Variants in CADM2 observed in about 807,000 individuals in gnomAD.
The protein encoded by CADM2 is cell adhesion molecule 2.
A neutral mutation model predicts 49.8 loss-of-function variants in CADM2; 12 were observed. That is an observed-to-expected ratio of 0.24 (90% CI 0.15 to 0.39). The LOEUF is 0.39. Ranked by LOEUF, CADM2 falls within the 10% of genes least tolerant of loss-of-function variation. The probability of loss-of-function intolerance (pLI) is 1.00; values close to 1 mark genes in which losing one functional copy is unlikely to be tolerated. For synonymous variants in CADM2, 214 were observed against 175.4 expected (o/e 1.22, Z -1.74); for missense variants, 378 against 492.3 (o/e 0.77, Z 2.20).
intron 2 of CADM2, among the ~76,000 whole-genome samples, chr3:85,788,669 T>A (rs527396363): frequency 3.2e-4 from 48 of 151,822 alleles, no homozygotes; most frequent in Admixed American, 8.5e-4. Flanking sequence ...TTGATTTGAG[T>A]TTGAATAATT....
At chr3:85,092,727 A>AGGG (rs1191949174) in intron 1 of CADM2, among the ~76,000 whole-genome samples, 1 of 151,982 alleles carries the variant, frequency 6.6e-6, no homozygotes, top group African/African-American at 2.4e-5. Flanking sequence ...CCTTAATTCC[A>AGGG]GATCTTTTCT....
intron 1 of CADM2, among the ~76,000 whole-genome samples, chr3:85,051,780 G>A (rs1041532756): frequency 6.6e-6 from 1 of 151,990 alleles, no homozygotes; most frequent in African/African-American, 2.4e-5. Context: ...TTAAATTTTT[G>A]TTTTAATTTG....
intron 1 of CADM2, among the ~76,000 whole-genome samples, chr3:85,123,015 C>G (rs1404440579): frequency 6.6e-6 from 1 of 151,998 alleles, no homozygotes; most frequent in Non-Finnish European, 1.5e-5. Context: ...ATGTGTTTAC[C>G]TACCTAATGA....
intron 1 of CADM2, among the ~76,000 whole-genome samples, chr3:85,609,460 A>T (rs537552239): frequency 6.6e-6 from 1 of 152,214 alleles, no homozygotes; most frequent in African/African-American, 2.4e-5. Context: ...TCCTCATTCT[A>T]TACCGTTATT....
Position 85,517,468 on chromosome 3 carries a change from G to T in CADM2, c.62-209054G>T, listed in dbSNP as rs114795611. ...ATATCAACTTATATATTTAATCTCA[G>T]CTGAAAACATACCCTCTGTACTAAC... On this transcript the variant is annotated intron_variant, in intron 1 of 9. Coordinates refer to ENST00000383699, the MANE Select transcript of CADM2 (RefSeq NM_001167675.2). 5.0e-3 allele frequency among the ~76,000 whole-genome samples: 762 copies of T among 152,134 alleles called. 7 individuals are homozygous for T. The highest frequency in any genetic ancestry group is 0.018 in the African/African-American group (734 of 41,534).
At chr3:85,602,400 C>A (rs2063431797) in intron 1 of CADM2, among the ~76,000 whole-genome samples, 1 of 151,764 alleles carries the variant, frequency 6.6e-6, no homozygotes, top group African/African-American at 2.4e-5. Context: ...TAAATATTGA[C>A]TGAGAGAAAA....
intron 2 of CADM2, among the ~76,000 whole-genome samples, chr3:85,732,770 G>A (rs761333760): frequency 1.3e-5 from 2 of 152,010 alleles, no homozygotes; most frequent in Non-Finnish European, 2.9e-5. Context: ...CCATTTTATC[G>A]TCATTTTCAA....
intron 1 of CADM2, among the ~76,000 whole-genome samples, chr3:85,341,170 A>C (rs1191143156): frequency 2.0e-5 from 3 of 151,778 alleles, no homozygotes; most frequent in African/African-American, 7.2e-5. Flanking sequence ...GAATATAAAA[A>C]CACTAAGCAT....
At chr3:85,766,658 G>T (rs1222421836) in intron 2 of CADM2, among the ~76,000 whole-genome samples, 1 of 152,146 alleles carries the variant, frequency 6.6e-6, no homozygotes, top group East Asian at 1.9e-4. Context: ...CTTTACGTCA[G>T]TTTAGTTATG....
At chr3:85,196,564 T>C (rs1453212352) in intron 1 of CADM2, among the ~76,000 whole-genome samples, 1 of 152,028 alleles carries the variant, frequency 6.6e-6, no homozygotes, top group Non-Finnish European at 1.5e-5. Context: ...TTATAGGTTT[T>C]AAATAATTGA....
At chr3:85,776,219 G>GA (rs2070353535) in intron 2 of CADM2, among the ~76,000 whole-genome samples, 2 of 151,548 alleles carry the variant, frequency 1.3e-5, no homozygotes, top group Admixed American at 1.3e-4. Context: ...TCTTCATTGA[G>GA]AAAAATACAT....
intron 1 of CADM2, among the ~76,000 whole-genome samples, chr3:85,360,402 C>T (rs924669251): frequency 6.6e-6 from 1 of 152,002 alleles, no homozygotes; most frequent in South Asian, 2.1e-4. Flanking sequence ...TAAGTAAAAA[C>T]ATAAAAGCTG....
chr3:85,257,634 A>G (rs1290873165), intron 1 of CADM2, among the ~76,000 whole-genome samples: 1 of 152,094 alleles, frequency 6.6e-6, no homozygotes, highest in African/African-American at 2.4e-5. Context: ...ATTGATACTT[A>G]GAATGTTCCC....
At chr3:85,762,075 T>G (rs115330283) in intron 2 of CADM2, among the ~76,000 whole-genome samples, 87 of 152,220 alleles carry the variant, frequency 5.7e-4, no homozygotes, top group African/African-American at 2.0e-3. Context: ...TAGAAAGATT[T>G]TTCAAATCAC....
At chr3:85,348,705 CACTT>C (rs1417704786) in intron 1 of CADM2, among the ~76,000 whole-genome samples, 1 of 152,084 alleles carries the variant, frequency 6.6e-6, no homozygotes, top group Non-Finnish European at 1.5e-5. Context: ...CTAACAAACT[CACTT>C]ATAATTAGGC....
chr3:85,129,850 T>A lies in CADM2; in HGVS notation c.61+170182T>A, dbSNP rs534144670. Among the ~76,000 whole-genome samples the A allele has an allele frequency of 3.3e-5, 5 of 152,356 alleles. No individual in the cohort carries two copies. In the East Asian group the frequency reaches 7.7e-4, roughly 23 times the overall value. The stretch of plus-strand genomic sequence containing the variant: ...TACATATAAACCCATGTTTGTACTA[T>A]AACACACTGACTCTAATAACTGGGA... On this transcript the variant is annotated intron_variant, in intron 1 of 9. Coordinates refer to ENST00000383699, the MANE Select transcript of CADM2 (RefSeq NM_001167675.2).
chr3:85,146,756 TATAA>T (rs1297532026), intron 1 of CADM2, among the ~76,000 whole-genome samples: 2 of 152,198 alleles, frequency 1.3e-5, no homozygotes, highest in African/African-American at 4.8e-5. Context: ...AAACATACAG[TATAA>T]ATAAGTGAAT....
At chr3:85,322,071 C>T (rs2044627762) in intron 1 of CADM2, among the ~76,000 whole-genome samples, 1 of 152,016 alleles carries the variant, frequency 6.6e-6, no homozygotes, top group Admixed American at 6.6e-5. Context: ...ACAAATGAAA[C>T]ATCAAATATT....
At chr3:85,097,115 C>T (rs2037828881) in intron 1 of CADM2, among the ~76,000 whole-genome samples, 1 of 152,074 alleles carries the variant, frequency 6.6e-6, no homozygotes, top group Non-Finnish European at 1.5e-5. Flanking sequence ...GGTCATTTAG[C>T]ATTTGGTATA....
Sources: allele counts gnomAD v4.1 joint callset (sites outside exome capture counted in the v4.1 genomes callset), GRCh38; gene constraint gnomAD v4.1.1; transcripts MANE v1.5; gene names NCBI Gene and HGNC (gene_info 2026-07-23, HGNC 2026-07-21).